GALNT18: variants seen among roughly 807,000 people sequenced by gnomAD.
The protein encoded by GALNT18 is polypeptide N-acetylgalactosaminyltransferase 18.
GALNT18 carries 44 observed loss-of-function variants against 69.5 expected under a neutral mutation model. That is an observed-to-expected ratio of 0.63 (90% CI 0.50 to 0.81). The LOEUF (loss-of-function observed/expected upper bound fraction) is 0.81, where lower values mean the gene tolerates loss of function less well. Among genes scored for constraint, GALNT18 ranks in the 40% least tolerant of loss-of-function variants. The pLI, the probability that GALNT18 is intolerant of heterozygous loss-of-function variation, is 0.00. For synonymous variants in GALNT18, 364 were observed against 318.2 expected (o/e 1.14, Z -1.53); for missense variants, 715 against 810.0 (o/e 0.88, Z 1.42).
chr11:11,380,715 G>T (rs989497696), intron 3 of GALNT18, among the ~76,000 whole-genome samples: 2 of 152,204 alleles, frequency 1.3e-5, no homozygotes, highest in African/African-American at 4.8e-5. Flanking sequence ...ACACATGGGT[G>T]CCTGCTCTGA....
chr11:11,568,822 G>A (rs560201549), intron 1 of GALNT18, among the ~76,000 whole-genome samples: 4 of 152,332 alleles, frequency 2.6e-5, no homozygotes, highest in South Asian at 4.1e-4. Flanking sequence ...TGGTTTCCTT[G>A]GAGATGTCTT....
At chr11:11,278,613 A>C (rs1377746754) in intron 10 of GALNT18, among the ~76,000 whole-genome samples, 1 of 152,054 alleles carries the variant, frequency 6.6e-6, no homozygotes, top group African/African-American at 2.4e-5. Flanking sequence ...TTTAAGACAA[A>C]TTTTGCATGT....
Position 11,404,209 on chromosome 11 carries a change from C to A in GALNT18, c.596-24945G>T, listed in dbSNP as rs1179776616. ...GAGTTCATGCGTGCACGGCATGGAGCCAATTATCGCTGCTCCAGGAAATGG... is the reference window on the plus strand; with the variant it reads ...GAGTTCATGCGTGCACGGCATGGAGACAATTATCGCTGCTCCAGGAAATGG... On this transcript the variant is annotated intron_variant, in intron 3 of 10. Transcript: ENST00000227756. This position sits in a 1 kb window ranked among gnomAD's most constrained non-coding sequence, Gnocchi z 4.5. Among the ~76,000 whole-genome samples the A allele has an allele frequency of 1.3e-5, 2 of 152,294 alleles. No individual in the cohort carries two copies. The highest frequency in any genetic ancestry group is 1.9e-4 in the East Asian group (1 of 5,172).
chr11:11,512,727 A>C (rs1022547254), intron 1 of GALNT18, among the ~76,000 whole-genome samples: 18 of 152,302 alleles, frequency 1.2e-4, no homozygotes, highest in Middle Eastern at 3.4e-3. Context: ...GTCTGGCGGC[A>C]CCTGAGGCCT....
rs917029542 is a variant in GALNT18 at position 11,587,414 on chromosome 11, G to A, written c.235+33945C>T. Among the ~76,000 whole-genome samples, 31 of 152,186 alleles carry A rather than the reference G, an allele frequency of 2.0e-4. 1 individual carries two copies. The highest frequency in any genetic ancestry group is 2.1e-4 in the South Asian group (1 of 4,834). The stretch of plus-strand genomic sequence containing the variant: ...AAGCAGGCTTCCCTTCAAGGAATCC[G>A]TTACACACCAAATCAGTGAAGACTG... On this transcript the variant is annotated intron_variant, in intron 1 of 10. Transcript: ENST00000227756. This position sits in a 1 kb window ranked among gnomAD's most constrained non-coding sequence, Gnocchi z 4.4.
intron 1 of GALNT18, among the ~76,000 whole-genome samples, chr11:11,536,811 A>T (rs1310551398): frequency 1.3e-5 from 2 of 152,246 alleles, no homozygotes; most frequent in African/African-American, 4.8e-5. Flanking sequence ...TGCCTTGTGC[A>T]TTCCTGCTTT....
rs1179970438 is a variant in GALNT18 at position 11,538,488 on chromosome 11, C to A, written c.235+82871G>T. 6.6e-6 allele frequency among the ~76,000 whole-genome samples: 1 copy of A among 152,210 alleles called. No homozygotes were observed. Among genetic ancestry groups the A allele is most frequent in the Admixed American group, 6.5e-5 (1 of 15,290 alleles). On this transcript the variant is annotated intron_variant, in intron 1 of 10. Transcript: ENST00000227756. This position sits in a 1 kb window ranked among gnomAD's most constrained non-coding sequence, Gnocchi z 5.2. The stretch of plus-strand genomic sequence containing the variant: ...GCCTGGGCCTGCAGGGTGGGAGAGA[C>A]CAGCATACCACAAGCACCCTGTGGC...
At chr11:11,569,604 G>C (rs1590107067) in intron 1 of GALNT18, among the ~76,000 whole-genome samples, 1 of 152,148 alleles carries the variant, frequency 6.6e-6, no homozygotes, top group Non-Finnish European at 1.5e-5. Context: ...AGGAGAACAA[G>C]GCCAAGTTCA....
rs539638938 is a variant in GALNT18 at position 11,584,055 on chromosome 11, T to C, written c.235+37304A>G. 2.6e-5 allele frequency among the ~76,000 whole-genome samples: 4 copies of C among 152,034 alleles called. No homozygotes were observed. Among genetic ancestry groups the C allele is most frequent in the South Asian group, 2.1e-4 (1 of 4,798 alleles). On this transcript the variant is annotated intron_variant, in intron 1 of 10. Coordinates refer to ENST00000227756, the MANE Select transcript of GALNT18 (RefSeq NM_198516.3). This position sits in a 1 kb window ranked among gnomAD's most constrained non-coding sequence, Gnocchi z 4.1. The stretch of plus-strand genomic sequence containing the variant: ...TGAGCTGGGCTGGCTGGAGACAGAT[T>C]TAAGCTTTGAAAACTGTGGTCAAGC...
chr11:11,424,788 A>G (rs988299917), intron 3 of GALNT18, among the ~76,000 whole-genome samples: 1 of 152,160 alleles, frequency 6.6e-6, no homozygotes, highest in South Asian at 2.1e-4. Flanking sequence ...GAGTTTCTGG[A>G]AACAGTGGTA....
At chr11:11,275,759 A>T (rs539197622) in intron 10 of GALNT18, among the ~76,000 whole-genome samples, 1 of 152,230 alleles carries the variant, frequency 6.6e-6, no homozygotes, top group South Asian at 2.1e-4. Context: ...ATGGCTAGCC[A>T]GTTTCCCCAA....
At chr11:11,457,022 T>C (rs928339670) in intron 1 of GALNT18, among the ~76,000 whole-genome samples, 8 of 152,234 alleles carry the variant, frequency 5.3e-5, no homozygotes, top group African/African-American at 1.4e-4. Context: ...CTGAGCGTTG[T>C]GCATGGGCTA....
At chr11:11,273,508 A>G (rs1344035688) in intron 10 of GALNT18, among the ~76,000 whole-genome samples, 1 of 152,216 alleles carries the variant, frequency 6.6e-6, no homozygotes, top group African/African-American at 2.4e-5. Flanking sequence ...ATCTCACCCC[A>G]GTTAAAATGG....
chr11:11,388,986 T>G (rs1854117734), intron 3 of GALNT18, among the ~76,000 whole-genome samples: 1 of 152,202 alleles, frequency 6.6e-6, no homozygotes, highest in African/African-American at 2.4e-5. Context: ...GCATGACTAT[T>G]TCTGTTCCAT....
At position 11,398,993 on chromosome 11, in the gene GALNT18, C is replaced by A. The variant is rs183219960; in HGVS notation, c.596-19729G>T. 1.9e-3 allele frequency among the ~76,000 whole-genome samples: 293 copies of A among 152,244 alleles called. 3 individuals carry two copies. The highest frequency in any genetic ancestry group is 6.5e-3 in the African/African-American group (271 of 41,538). On this transcript the variant is annotated intron_variant, in intron 3 of 10. Transcript: ENST00000227756. ...GGAGCTGAAAGGAAGGTGGAGCCAA[C>A]CCTAAAGAAAGGGCCTGATATGGAC... is the stretch of plus-strand genomic sequence containing the variant.
At chr11:11,534,184 G>T (rs941580203) in intron 1 of GALNT18, among the ~76,000 whole-genome samples, 2 of 152,188 alleles carry the variant, frequency 1.3e-5, no homozygotes, top group African/African-American at 4.8e-5. Context: ...ATGGGTAATA[G>T]GTTCACGCCT....
chr11:11,275,218 C>A (rs953878328), intron 10 of GALNT18, among the ~76,000 whole-genome samples: 1 of 152,230 alleles, frequency 6.6e-6, no homozygotes, highest in Non-Finnish European at 1.5e-5. Context: ...TGTTTCCTGA[C>A]TTTTTAATGA....
intron 6 of GALNT18, chr11:11,352,414 G>A (rs1474657029): frequency 2.5e-6 from 4 of 1,614,100 alleles, no homozygotes; most frequent in African/African-American, 1.3e-5. Context: ...TAATTGTCAC[G>A]TCCATGGAAA....
chr11:11,284,042 T>C (rs983444547), intron 10 of GALNT18, among the ~76,000 whole-genome samples: 2 of 152,132 alleles, frequency 1.3e-5, no homozygotes, highest in African/African-American at 4.8e-5. Context: ...CTTGGCCACG[T>C]CACCTCAGGA....
Sources: allele counts gnomAD v4.1 joint callset (sites outside exome capture counted in the v4.1 genomes callset), GRCh38; gene constraint gnomAD v4.1.1; non-coding constraint Gnocchi (gnomAD v3.1); transcripts MANE v1.5; gene names NCBI Gene and HGNC (gene_info 2026-07-23, HGNC 2026-07-21).